The following PRKN variants were observed in gnomAD, a reference collection of about 807,000 sequenced individuals.
PRKN encodes the protein parkin RBR E3 ubiquitin protein ligase.
A neutral mutation model predicts 59.5 loss-of-function variants in PRKN; 56 were observed. The ratio of observed to expected loss-of-function variants is 0.94; its 90% confidence interval spans 0.76 to 1.18. The LOEUF is 1.18. Among genes scored for constraint, PRKN ranks in the 50% most tolerant of loss-of-function variants. PRKN has a pLI of 0.00. For missense variants in PRKN, 657 were observed against 596.4 expected, an observed-to-expected ratio of 1.10 and a Z score of -1.06; for synonymous variants, 250 against 222.1, an observed-to-expected ratio of 1.13 and a Z score of -1.12.
In PRKN at chr6:161,445,827, TCCC is replaced by T. The variant is rs1789462488; in HGVS notation, c.1084-58953_1084-58951del. On this transcript the variant is annotated intron_variant, in intron 9 of 11. Transcript: ENST00000366898. This position sits in a 1 kb window ranked among gnomAD's most constrained non-coding sequence, Gnocchi z 7.7. ...TCCCTTCCCTTCCCTTCCCTTCCCT[TCCC>T]TTCCCTATCGACAGCCTTGCAGGGT... 5.9e-5 allele frequency among the ~76,000 whole-genome samples: 8 copies of T among 136,034 alleles called. No homozygotes were observed. The highest frequency in any genetic ancestry group is 4.5e-4 in the South Asian group (2 of 4,452). The allele number at this position is 136,034 out of a possible 152,430, so 89.2% of individuals were successfully genotyped here. A position where few individuals can be genotyped will look rare whatever the true frequency, so the allele number is the denominator to read the frequency against.
At chr6:162,621,197 A>T (rs1782649901) in intron 1 of PRKN, among the ~76,000 whole-genome samples, 1 of 152,158 alleles carries the variant, frequency 6.6e-6, no homozygotes, top group African/African-American at 2.4e-5. Flanking sequence ...ATTTGTGCCT[A>T]GCTTTGGAAG....
intron 3 of PRKN, among the ~76,000 whole-genome samples, chr6:162,224,428 G>T (rs1778074576): frequency 6.6e-6 from 1 of 152,072 alleles, no homozygotes; most frequent in Non-Finnish European, 1.5e-5. Flanking sequence ...TACCATGCAG[G>T]TCTGTGTAAG....
At chr6:162,201,292 CA>C in intron 3 of PRKN, 40 bp from the exon 4 acceptor site, 8 of 1,606,682 alleles carry the variant, frequency 5.0e-6, no homozygotes, top group African/African-American at 1.3e-5. Flanking sequence ...AATAATGCTG[CA>C]TCTAAATTGA....
Position 161,578,429 on chromosome 6 carries a change from C to T in PRKN, c.872-9013G>A, listed in dbSNP as rs1418979452. On this transcript the variant is annotated intron_variant, in intron 7 of 11. Coordinates refer to ENST00000366898, the MANE Select transcript of PRKN (RefSeq NM_004562.3). The surrounding 1 kb of genome is among the most constrained non-coding windows in gnomAD (Gnocchi z 4.2). ...TCATCTGAGTAGCCATCTCTCTTAA[C>T]AGGAAATCAGACGGTTCACCTGGGC... Among the ~76,000 whole-genome samples, 2 of 152,226 alleles carry T rather than the reference C, an allele frequency of 1.3e-5. No individual in the cohort carries two copies. Among genetic ancestry groups the T allele is most frequent in the Non-Finnish European group, 2.9e-5 (2 of 68,038 alleles).
intron 7 of PRKN, among the ~76,000 whole-genome samples, chr6:161,743,789 A>G (rs1788299170): frequency 1.3e-5 from 2 of 152,202 alleles, no homozygotes; most frequent in Non-Finnish European, 2.9e-5. Flanking sequence ...CAACAGTATC[A>G]TTCTATATTG....
intron 2 of PRKN, among the ~76,000 whole-genome samples, chr6:162,338,943 G>A (rs1227132183): frequency 4.0e-5 from 5 of 124,806 alleles, no homozygotes; most frequent in Admixed American, 1.6e-4. Flanking sequence ...GCCCGGCCGC[G>A]ACCCCGTCTG....
intron 1 of PRKN, among the ~76,000 whole-genome samples, chr6:162,648,686 TTCTC>T (rs1441372341): frequency 1.3e-5 from 2 of 152,098 alleles, no homozygotes; most frequent in Non-Finnish European, 2.9e-5. Context: ...CCGGCCAGTG[TTCTC>T]TCTTTTAAAT....
intron 1 of PRKN, among the ~76,000 whole-genome samples, chr6:162,470,514 C>G (rs73035847): frequency 0.29 from 44,580 of 151,636 alleles, 6,745 homozygotes; most frequent in East Asian, 0.44. Context: ...TCGCTTGAAC[C>G]CGGGAGGCGG....
intron 9 of PRKN, among the ~76,000 whole-genome samples, chr6:161,452,731 G>C (rs1583087461): frequency 6.6e-6 from 1 of 152,032 alleles, no homozygotes; most frequent in Non-Finnish European, 1.5e-5. Context: ...CGTTTAGCTG[G>C]GGTGCTGACT....
intron 7 of PRKN, among the ~76,000 whole-genome samples, chr6:161,683,657 T>C (rs1785453476): frequency 6.6e-6 from 1 of 152,164 alleles, no homozygotes; most frequent in African/African-American, 2.4e-5. Context: ...TGGGGCGAAC[T>C]GGAGTGAATC....
intron 2 of PRKN, among the ~76,000 whole-genome samples, chr6:162,285,706 G>C (rs1212797124): frequency 1.3e-5 from 2 of 152,116 alleles, no homozygotes; most frequent in Non-Finnish European, 1.5e-5. Context: ...ATCGAAATCT[G>C]TTTCCTCCTC....
intron 4 of PRKN, among the ~76,000 whole-genome samples, chr6:162,131,784 T>C (rs1055620322): frequency 1.3e-5 from 2 of 152,214 alleles, no homozygotes; most frequent in Non-Finnish European, 2.9e-5. Flanking sequence ...AATCTTCTAA[T>C]AAAGACTTAA....
At chr6:162,024,821 G>A (rs9355976) in intron 5 of PRKN, among the ~76,000 whole-genome samples, 1 of 151,886 alleles carries the variant, frequency 6.6e-6, no homozygotes, top group Non-Finnish European at 1.5e-5. Context: ...CAAAAACAAA[G>A]AGAAAGCAGT....
intron 7 of PRKN, among the ~76,000 whole-genome samples, chr6:161,628,444 C>T (rs188008589): frequency 3.6e-4 from 55 of 152,322 alleles, no homozygotes; most frequent in Admixed American, 2.5e-3. Context: ...ACACTAATCC[C>T]ATTCCTGAGA....
chr6:162,443,532 G>A (rs962027650), intron 1 of PRKN, 59 bp from the exon 2 acceptor site: 2 of 1,505,046 alleles, frequency 1.3e-6, no homozygotes, highest in African/African-American at 2.8e-5. Context: ...GCCCTTAAAT[G>A]GTGATAGCAA....
intron 7 of PRKN, among the ~76,000 whole-genome samples, chr6:161,658,030 A>AAAAAAAAAAAAT (rs781518268): frequency 9.5e-6 from 1 of 104,902 alleles, no homozygotes; most frequent in Non-Finnish European, 1.9e-5. Flanking sequence ...AAAAAAAAAA[A>AAAAAAAAAAAAT]AAAAGAAAAG....
intron 7 of PRKN, among the ~76,000 whole-genome samples, chr6:161,698,687 A>G (rs1786125148): frequency 6.6e-6 from 1 of 152,164 alleles, no homozygotes; most frequent in African/African-American, 2.4e-5. Context: ...ATTTTTTGAC[A>G]GAAGTACAAA....
At chr6:162,319,563 TTG>T (rs1212127923) in intron 2 of PRKN, among the ~76,000 whole-genome samples, 4 of 152,028 alleles carry the variant, frequency 2.6e-5, no homozygotes, top group African/African-American at 9.7e-5. Flanking sequence ...TAAGGGCTTA[TTG>T]TGTGTTAGGC....
intron 7 of PRKN, among the ~76,000 whole-genome samples, chr6:161,705,415 G>A (rs1271064551): frequency 6.6e-6 from 1 of 152,148 alleles, no homozygotes; most frequent in Non-Finnish European, 1.5e-5. Context: ...AACAAGGTTG[G>A]ATTGGTACTT....
Sources: allele counts gnomAD v4.1 joint callset (sites outside exome capture counted in the v4.1 genomes callset), GRCh38; gene constraint gnomAD v4.1.1; non-coding constraint Gnocchi (gnomAD v3.1); transcripts MANE v1.5; gene names NCBI Gene and HGNC (gene_info 2026-07-23, HGNC 2026-07-21).